The following CNTNAP5 variants were observed in gnomAD, a reference collection of about 807,000 sequenced individuals.
CNTNAP5 encodes contactin-associated protein-like 5.
CNTNAP5 carries 72 observed loss-of-function variants against 150.2 expected under a neutral mutation model. The ratio of observed to expected loss-of-function variants is 0.48; its 90% CI spans 0.40 to 0.58. CNTNAP5 has a LOEUF of 0.58. Ranked by LOEUF, CNTNAP5 falls within the 20% of genes least tolerant of loss-of-function variation. CNTNAP5 has a pLI of 0.00. For synonymous variants in CNTNAP5, 672 were observed against 619.8 expected (o/e 1.08, Z -1.25); for missense variants, 1,636 against 1,626.2 (o/e 1.01, Z -0.10).
Position 124,896,324 on chromosome 2 carries a change from T to G in CNTNAP5, c.3437-6558T>G, listed in dbSNP as rs140582888. On this transcript the variant is annotated intron_variant, in intron 21 of 23. Transcript: ENST00000682447. ...GTCACTGATTAGATGCCATTATTGT[T>G]GATATTAAGAGATATTTATTTTTTC... is the stretch of plus-strand genomic sequence containing the variant. 1.2e-3 allele frequency among the ~76,000 whole-genome samples: 186 copies of G among 151,540 alleles called. 4 individuals carry two copies. Among genetic ancestry groups the G allele is most frequent in the African/African-American group, 4.3e-3 (176 of 40,942 alleles).
intron 1 of CNTNAP5, among the ~76,000 whole-genome samples, chr2:124,164,462 T>C (rs185576469): frequency 2.6e-5 from 4 of 152,352 alleles, no homozygotes; most frequent in East Asian, 3.9e-4. Context: ...GCAGAGACTC[T>C]GTTTTATATG....
At chr2:124,128,104 A>G (rs1020823496) in intron 1 of CNTNAP5, among the ~76,000 whole-genome samples, 2 of 152,216 alleles carry the variant, frequency 1.3e-5, no homozygotes, top group Admixed American at 1.3e-4. Context: ...AAAAGAAACT[A>G]CCATCAGAGT....
At chr2:124,373,544 T>TA (rs1294999726) in intron 3 of CNTNAP5, among the ~76,000 whole-genome samples, 4 of 151,506 alleles carry the variant, frequency 2.6e-5, no homozygotes, top group African/African-American at 2.4e-5. Context: ...CCAGTTTTAT[T>TA]AAAAAAAAGA....
intron 1 of CNTNAP5, among the ~76,000 whole-genome samples, chr2:124,200,599 A>G (rs773736081): frequency 1.3e-5 from 2 of 152,230 alleles, no homozygotes; most frequent in Non-Finnish European, 2.9e-5. Flanking sequence ...AGTATTCACT[A>G]AAGTCACAAT....
chr2:124,124,890 C>T (rs1367248634), intron 1 of CNTNAP5, among the ~76,000 whole-genome samples: 2 of 152,164 alleles, frequency 1.3e-5, no homozygotes, highest in East Asian at 3.9e-4. Context: ...ACCAGGCCTG[C>T]CCTACAAGAG....
chr2:124,540,449 A>G (rs1184066384), intron 10 of CNTNAP5, among the ~76,000 whole-genome samples: 1 of 152,202 alleles, frequency 6.6e-6, no homozygotes, highest in Non-Finnish European at 1.5e-5. Flanking sequence ...GCACACTTCT[A>G]GGTCCTACTA....
intron 1 of CNTNAP5, among the ~76,000 whole-genome samples, chr2:124,211,797 A>T (rs779376944): frequency 6.6e-6 from 1 of 152,168 alleles, no homozygotes; most frequent in Non-Finnish European, 1.5e-5. Context: ...GAATACAGAG[A>T]TGTTCGTTTT....
intron 3 of CNTNAP5, among the ~76,000 whole-genome samples, chr2:124,396,278 G>T (rs1282708564): frequency 1.3e-5 from 2 of 152,184 alleles, no homozygotes; most frequent in African/African-American, 4.8e-5. Flanking sequence ...AGTATAAACA[G>T]GGCCTGAGTG....
chr2:124,317,562 T>C (rs969296078), intron 3 of CNTNAP5, among the ~76,000 whole-genome samples: 5 of 152,082 alleles, frequency 3.3e-5, no homozygotes, highest in Non-Finnish European at 4.4e-5. Flanking sequence ...CATCAAACCA[T>C]GTATTCCAAA....
intron 11 of CNTNAP5, among the ~76,000 whole-genome samples, chr2:124,594,214 G>A (rs1396615257): frequency 3.2e-5 from 4 of 126,104 alleles, no homozygotes; most frequent in East Asian, 3.0e-4. Context: ...CCTTGCCCAC[G>A]CCTATGTCCT....
At chr2:124,413,323 C>T (rs938988242) in intron 3 of CNTNAP5, among the ~76,000 whole-genome samples, 4 of 151,358 alleles carry the variant, frequency 2.6e-5, no homozygotes, top group Non-Finnish European at 5.9e-5. Context: ...GTCATTGTGG[C>T]GATTCCTCAG....
intron 13 of CNTNAP5, among the ~76,000 whole-genome samples, chr2:124,670,033 A>G (rs1678778221): frequency 6.6e-6 from 1 of 151,998 alleles, no homozygotes; most frequent in Non-Finnish European, 1.5e-5. Context: ...TCACAGCGAG[A>G]CCAGGGGCCC....
At chr2:124,359,011 C>A (rs1690111796) in intron 3 of CNTNAP5, among the ~76,000 whole-genome samples, 1 of 150,596 alleles carries the variant, frequency 6.6e-6, no homozygotes, top group South Asian at 2.1e-4. Flanking sequence ...AGAGATTCAA[C>A]TTCTTCCTGG....
intron 16 of CNTNAP5, among the ~76,000 whole-genome samples, chr2:124,768,470 G>GAATA (rs911899390): frequency 6.6e-6 from 1 of 152,056 alleles, no homozygotes; most frequent in African/African-American, 2.4e-5. Context: ...TAGTACAAAT[G>GAATA]AATACTACTA....
At chr2:124,834,130 T>C (rs1171654726) in intron 19 of CNTNAP5, among the ~76,000 whole-genome samples, 3 of 152,156 alleles carry the variant, frequency 2.0e-5, no homozygotes, top group African/African-American at 7.2e-5. Context: ...CATCATGAAA[T>C]TGAGGAAGAG....
intron 11 of CNTNAP5, among the ~76,000 whole-genome samples, chr2:124,583,280 A>G (rs1696454818): frequency 6.6e-6 from 1 of 152,236 alleles, no homozygotes; most frequent in African/African-American, 2.4e-5. Flanking sequence ...AGGAGCAGGA[A>G]TACTCAGGGA....
At chr2:124,599,277 A>C (rs1696922353) in intron 11 of CNTNAP5, among the ~76,000 whole-genome samples, 1 of 152,114 alleles carries the variant, frequency 6.6e-6, no homozygotes, top group Admixed American at 6.6e-5. Flanking sequence ...TTATCTCAAT[A>C]CCACATGTAA....
chr2:124,616,469 C>T (rs547390136), intron 12 of CNTNAP5, among the ~76,000 whole-genome samples: 15 of 152,206 alleles, frequency 9.9e-5, no homozygotes, highest in Non-Finnish European at 2.1e-4. Flanking sequence ...TTTGGTTTAA[C>T]GGAATGTCGT....
chr2:124,450,337 T>C (rs1410224224), intron 6 of CNTNAP5, among the ~76,000 whole-genome samples: 1 of 151,914 alleles, frequency 6.6e-6, no homozygotes, highest in Admixed American at 6.6e-5. Context: ...TGCAAACCTA[T>C]GTTTCTTTTT....
Sources: gnomAD v4.1 joint callset for allele counts (sites outside exome capture counted in the v4.1 genomes callset) on GRCh38, gnomAD v4.1.1 for gene constraint, MANE v1.5 for transcripts, NCBI Gene and HGNC (gene_info 2026-07-23, HGNC 2026-07-21) for gene names.